Variants in SYNCRIP observed in about 807,000 individuals in gnomAD.
SYNCRIP encodes synaptotagmin binding cytoplasmic RNA interacting protein, also known as heterogeneous nuclear ribonucleoprotein Q.
A neutral mutation model predicts 68.9 loss-of-function variants in SYNCRIP; 9 were observed. The observed-to-expected ratio is 0.13, with a 90% CI of 0.08 to 0.23. SYNCRIP has a LOEUF of 0.23. Among genes scored for constraint, SYNCRIP ranks in the 10% least tolerant of loss-of-function variants. The pLI is 1.00. For missense variants in SYNCRIP, 414 were observed against 770.6 expected (o/e 0.54, Z 5.48); for synonymous variants, 258 against 254.0 (o/e 1.02, Z -0.15).
chr6:85,628,221 A>C (rs1807287783), intron 6 of SYNCRIP, among the ~76,000 whole-genome samples: 1 of 151,962 alleles, frequency 6.6e-6, no homozygotes, highest in South Asian at 2.1e-4. Flanking sequence ...ACACCCGGCT[A>C]ATTTTTGTAT....
intron 2 of SYNCRIP, 101 bp from the exon 3 acceptor site, chr6:85,640,665 T>C: frequency 1.6e-6 from 1 of 630,600 alleles, no homozygotes; most frequent in Non-Finnish European, 2.6e-6. Context: ...TTACAATTCT[T>C]CTACTCCCCT....
intron 2 of SYNCRIP, 152 bp downstream of exon 2, chr6:85,641,140 T>C (rs1371406802): frequency 3.1e-6 from 2 of 646,756 alleles, no homozygotes; most frequent in African/African-American, 3.7e-5. Flanking sequence ...CATCTTAACC[T>C]CTACTTCAAA....
chr6:85,638,660 A>G (rs2128302701), intron 4 of SYNCRIP, among the ~76,000 whole-genome samples: 1 of 152,330 alleles, frequency 6.6e-6, no homozygotes, highest in African/African-American at 2.4e-5. Flanking sequence ...CTAACTGTTT[A>G]TGAAAAATAC....
At chr6:85,631,339 C>CCAAAAAAAAAAA in intron 6 of SYNCRIP, among the ~76,000 whole-genome samples, 1 of 91,816 alleles carries the variant, frequency 1.1e-5, no homozygotes, top group Admixed American at 1.3e-4. Flanking sequence ...ACTGTGTCTC[C>CCAAAAAAAAAAA]AAAAAAAAAA....
intron 4 of SYNCRIP, among the ~76,000 whole-genome samples, chr6:85,637,753 T>C (rs1391370206): frequency 6.6e-6 from 1 of 152,168 alleles, no homozygotes; most frequent in African/African-American, 2.4e-5. Flanking sequence ...AAATTCCCTA[T>C]AAACCCCACT....
intron 7 of SYNCRIP, among the ~76,000 whole-genome samples, chr6:85,623,583 A>AAAAACAAAAAAC (rs1562087872): frequency 6.9e-6 from 1 of 143,892 alleles, no homozygotes; most frequent in African/African-American, 2.5e-5. Context: ...AAAAAAAAAA[A>AAAAACAAAAAAC]CACTCTGCTA....
At chr6:85,629,351 G>A (rs1353981628) in intron 6 of SYNCRIP, among the ~76,000 whole-genome samples, 1 of 151,912 alleles carries the variant, frequency 6.6e-6, no homozygotes, top group Non-Finnish European at 1.5e-5. Context: ...TATATCTGAA[G>A]TAAAAGTTTT....
intron 6 of SYNCRIP, among the ~76,000 whole-genome samples, chr6:85,633,627 T>C (rs1808089671): frequency 6.6e-6 from 1 of 152,098 alleles, no homozygotes; most frequent in Non-Finnish European, 1.5e-5. Context: ...AAGCAAATGA[T>C]GGTATGACCA....
At chr6:85,633,932 T>C (rs1232536197) in intron 6 of SYNCRIP, among the ~76,000 whole-genome samples, 2 of 152,118 alleles carry the variant, frequency 1.3e-5, no homozygotes. Flanking sequence ...AAAAGTATCT[T>C]TTAAAAGACA....
At chr6:85,611,756 T>C (rs1434211362), downstream of SYNCRIP, 3 of 152,530 alleles carry the variant, frequency 2.0e-5, no homozygotes, top group Non-Finnish European at 4.4e-5. Context: ...AATGGAAAGC[T>C]GATTCACATG....
At chr6:85,623,656 A>G (rs1806710678) in intron 7 of SYNCRIP, among the ~76,000 whole-genome samples, 2 of 152,020 alleles carry the variant, frequency 1.3e-5, no homozygotes, top group Admixed American at 1.3e-4. Context: ...CAATTCTACT[A>G]AGAACATCAA....
chr6:85,633,962 A>T (rs1009689004), intron 6 of SYNCRIP, among the ~76,000 whole-genome samples: 1 of 152,186 alleles, frequency 6.6e-6, no homozygotes, highest in South Asian at 2.1e-4. Flanking sequence ...AAAGTCTCCT[A>T]TTAATTAGAT....
intron 2 of SYNCRIP, among the ~76,000 whole-genome samples, 184 bp downstream of exon 2, chr6:85,641,108 T>C (rs1809088226): frequency 6.6e-6 from 1 of 152,106 alleles, no homozygotes; most frequent in South Asian, 2.1e-4. Flanking sequence ...CTCCTAACCT[T>C]CTCTTCTTCC....
intron 6 of SYNCRIP, among the ~76,000 whole-genome samples, chr6:85,632,483 A>G (rs1807912636): frequency 6.6e-6 from 1 of 152,236 alleles, no homozygotes; most frequent in South Asian, 2.1e-4. Context: ...AGGGGTATTC[A>G]TGTCCGCAAA....
At chr6:85,631,484 T>G (rs545492928) in intron 6 of SYNCRIP, among the ~76,000 whole-genome samples, 1 of 152,284 alleles carries the variant, frequency 6.6e-6, no homozygotes, top group South Asian at 2.1e-4. Context: ...AGGAATGCTG[T>G]GATCTAATTG....
Position 85,637,102 on chromosome 6 carries a change from T to C in SYNCRIP, c.531A>G (p.Glu177=), listed in dbSNP as rs143813128. 5.0e-6 allele frequency: 8 copies of C among 1,613,502 alleles called. No individual in the cohort carries two copies. In the East Asian group the frequency reaches 1.3e-4, roughly 27 times the overall value. The change falls in exon 6 of 11, where the codon GAA becomes GAG. Residue 177 remains glutamate, a synonymous_variant. Transcript: ENST00000369622. ...GKIPRDLFED[E]LVPLFEKAGP... Reference sequence around the variant, plus strand: ...CAGCTTTCTCAAATAATGGAACAAGTTCATCCTCAAATAGATCTCTTGGGA... The same window carrying C: ...CAGCTTTCTCAAATAATGGAACAAGCTCATCCTCAAATAGATCTCTTGGGA...
rs201616120 is a variant in SYNCRIP at position 85,615,059 on chromosome 6, A to G, written c.1569T>C (p.Tyr523=). 79 of 1,613,978 alleles carry G rather than the reference A, an allele frequency of 4.9e-5. No individual in the cohort carries two copies. The highest frequency in any genetic ancestry group is 4.2e-6 in the Non-Finnish European group (5 of 1,180,030). Residue 523 remains tyrosine, a synonymous_variant, in exon 11 of 11, where the codon TAT becomes TAC. Transcript: ENST00000369622. ...CTGATCCAGGACCTCCTCTCTGTGA[A>G]TAACCGGCTCTACCGCGGGGAGGAG... ...GAAPPRGRAG[Y]SQRGGPGSAR...
Position 85,624,109 on chromosome 6 carries a change from T to C in SYNCRIP, c.670A>G (p.Asn224Asp). ...TTTCCAGAACGAATTTCATGATTAT[T>C]ATACTGAAAGGGGAAAAAGTGCATC... Reference protein sequence around the residue: ...EAAQEAVKLYNNHEIRSGKHI... With the variant: ...EAAQEAVKLYDNHEIRSGKHI... The change falls in exon 7 of 11, where the codon AAT (asparagine) becomes GAT (aspartate). Residue 224 changes from asparagine (N) to aspartate (D), a missense_variant. Asn to Asp is a conservative substitution (Grantham distance 23). Around this residue, in one of 6 missense-constraint regions of SYNCRIP, gnomAD observed 110 missense variants for 269.3 expected, o/e 0.41. Coordinates refer to ENST00000369622, the MANE Select transcript of SYNCRIP (RefSeq NM_006372.5). 6.2e-7 allele frequency: 1 copy of C among 1,612,670 alleles called. No homozygotes were observed. The highest frequency in any genetic ancestry group is 8.5e-7 in the Non-Finnish European group (1 of 1,179,478).
At chr6:85,630,323 T>C (rs1367401243) in intron 6 of SYNCRIP, among the ~76,000 whole-genome samples, 2 of 152,232 alleles carry the variant, frequency 1.3e-5, no homozygotes, top group Non-Finnish European at 2.9e-5. Flanking sequence ...ATCGTGCCAC[T>C]GCACTCCAGC....
Sources: allele counts gnomAD v4.1 joint callset (sites outside exome capture counted in the v4.1 genomes callset), GRCh38; gene constraint gnomAD v4.1.1; regional missense constraint gnomAD v4.1.1; transcripts MANE v1.5; gene names NCBI Gene and HGNC (gene_info 2026-07-23, HGNC 2026-07-21).